Variants in MTHFD1L observed in about 807,000 individuals in gnomAD.
The protein encoded by MTHFD1L is methylenetetrahydrofolate dehydrogenase (NADP+ dependent) 1 like, also known as monofunctional C1-tetrahydrofolate synthase, mitochondrial.
Under a neutral mutation model 119.5 loss-of-function variants are expected in MTHFD1L, and 81 were observed. The observed-to-expected ratio is 0.68, with a 90% CI of 0.57 to 0.82. The LOEUF (loss-of-function observed/expected upper bound fraction) is 0.82. Ranked by LOEUF, MTHFD1L falls within the 40% of genes least tolerant of loss-of-function variation. MTHFD1L has a pLI of 0.00. For synonymous variants in MTHFD1L, 430 were observed against 475.2 expected (o/e 0.90, Z 1.24); for missense variants, 1,125 against 1,253.4 (o/e 0.90, Z 1.55).
intron 26 of MTHFD1L, among the ~76,000 whole-genome samples, chr6:151,067,101 C>A (rs1323577675): frequency 6.7e-6 from 1 of 149,500 alleles, no homozygotes; most frequent in Non-Finnish European, 1.5e-5. Flanking sequence ...TTAAGGGATT[C>A]TCCTGCCTCA....
intron 20 of MTHFD1L, among the ~76,000 whole-genome samples, chr6:151,002,008 G>A (rs1168493436): frequency 2.0e-5 from 3 of 152,304 alleles, no homozygotes; most frequent in East Asian, 3.9e-4. Context: ...TCACAGCAGG[G>A]CCTTATTGCA....
At chr6:150,873,450 G>A (rs1476327762) in intron 1 of MTHFD1L, among the ~76,000 whole-genome samples, 5 of 151,826 alleles carry the variant, frequency 3.3e-5, no homozygotes, top group African/African-American at 7.2e-5. Context: ...AAAAACAAAC[G>A]TACATTTATA....
intron 24 of MTHFD1L, among the ~76,000 whole-genome samples, chr6:151,018,952 G>T (rs1299780439): frequency 6.6e-6 from 1 of 152,224 alleles, no homozygotes; most frequent in Non-Finnish European, 1.5e-5. Context: ...GATTTTGGAT[G>T]AGTGAAAAGA....
intron 20 of MTHFD1L, among the ~76,000 whole-genome samples, chr6:150,990,783 G>A (rs1753585201): frequency 6.6e-6 from 1 of 151,842 alleles, no homozygotes; most frequent in African/African-American, 2.4e-5. Context: ...TAAATTAGTG[G>A]TGAATGGATG....
At position 150,926,020 on chromosome 6, in the gene MTHFD1L, C is replaced by A. The variant is rs373284124; in HGVS notation, c.1083-102C>A. 2 of 964,418 alleles carry A rather than the reference C, an allele frequency of 2.1e-6. No individual in the cohort carries two copies. The highest frequency in any genetic ancestry group is 3.1e-6 in the Non-Finnish European group (2 of 653,778). The allele number at this position is 964,418 out of a possible 1,614,324, so 59.7% of individuals were successfully genotyped here. On this transcript the variant is annotated intron_variant, in intron 10 of 27. Coordinates refer to ENST00000367321, the MANE Select transcript of MTHFD1L (RefSeq NM_015440.5). The surrounding 1 kb of genome is among the most constrained non-coding windows in gnomAD (Gnocchi z 4.3). ...GGGAGAAAGGACCCCAAAGTAATTGCATTGATTTCATCGTTGGCGTGATGT... is the reference window on the plus strand; with the variant it reads ...GGGAGAAAGGACCCCAAAGTAATTGAATTGATTTCATCGTTGGCGTGATGT...
At chr6:150,949,511 T>A (rs887100187) in intron 16 of MTHFD1L, among the ~76,000 whole-genome samples, 24 of 152,048 alleles carry the variant, frequency 1.6e-4, no homozygotes, top group Non-Finnish European at 2.9e-4. Flanking sequence ...CCACCCACCA[T>A]CCCACCTTCT....
intron 11 of MTHFD1L, 48 bp from the exon 12 acceptor site, chr6:150,936,756 G>A: frequency 6.3e-7 from 1 of 1,593,748 alleles, no homozygotes; most frequent in South Asian, 1.1e-5. Flanking sequence ...GTTTTGCATA[G>A]GTTGTCTGGG....
intron 8 of MTHFD1L, among the ~76,000 whole-genome samples, chr6:150,909,536 G>A (rs1786510876): frequency 6.6e-6 from 1 of 152,164 alleles, no homozygotes; most frequent in African/African-American, 2.4e-5. Context: ...AAACCACCAT[G>A]TCTGGCCTAA....
chr6:151,004,838 C>G (rs919218979), intron 20 of MTHFD1L, among the ~76,000 whole-genome samples: 1 of 152,190 alleles, frequency 6.6e-6, no homozygotes, highest in African/African-American at 2.4e-5. Flanking sequence ...ATAGCTGTAA[C>G]AAAAGGGAAA....
intron 11 of MTHFD1L, among the ~76,000 whole-genome samples, chr6:150,932,161 C>CAAA (rs5880902): frequency 0.016 from 610 of 39,204 alleles, 97 homozygotes; most frequent in East Asian, 0.081. Flanking sequence ...GACTCCATCT[C>CAAA]AAAAAAAAAA....
intron 21 of MTHFD1L, among the ~76,000 whole-genome samples, chr6:151,012,956 A>G (rs1255740109): frequency 1.3e-5 from 2 of 152,214 alleles, no homozygotes. Context: ...CACATTATGT[A>G]GGACAACTTG....
At chr6:151,073,539 T>C (rs1792164943) in intron 26 of MTHFD1L, among the ~76,000 whole-genome samples, 1 of 152,186 alleles carries the variant, frequency 6.6e-6, no homozygotes, top group Admixed American at 6.5e-5. Context: ...ATAGAATTCA[T>C]AGACACGGAC....
intron 10 of MTHFD1L, among the ~76,000 whole-genome samples, chr6:150,923,165 G>T (rs367967542): frequency 6.6e-6 from 1 of 152,186 alleles, no homozygotes; most frequent in African/African-American, 2.4e-5. Flanking sequence ...TCTTCAGAAC[G>T]ATCTGATAGA....
At chr6:151,078,967 T>G (rs1792848651) in intron 26 of MTHFD1L, among the ~76,000 whole-genome samples, 2 of 152,006 alleles carry the variant, frequency 1.3e-5, no homozygotes, top group South Asian at 2.1e-4. Context: ...GCCTGCAGGA[T>G]GAAGGGTGCC....
At chr6:151,041,759 CTTG>C (rs140096864) in intron 26 of MTHFD1L, 376,683 of 526,826 alleles carry the variant, frequency 0.72, 136,549 homozygotes, top group Non-Finnish European at 0.74. Flanking sequence ...GAAAGCCCCT[CTTG>C]TTGTGTCCTC....
At chr6:151,092,032 T>C (rs938185442) in intron 26 of MTHFD1L, among the ~76,000 whole-genome samples, 2 of 152,152 alleles carry the variant, frequency 1.3e-5, no homozygotes, top group African/African-American at 4.8e-5. Flanking sequence ...ACAGGAGTTT[T>C]CCAGCTGTGC....
chr6:151,081,509 A>AT (rs1793169038), intron 26 of MTHFD1L, among the ~76,000 whole-genome samples: 4 of 151,348 alleles, frequency 2.6e-5, no homozygotes, highest in African/African-American at 9.7e-5. Context: ...AAAAAAAAAA[A>AT]AAAAAAAAAA....
At chr6:151,100,174 C>T (rs886974843) in intron 27 of MTHFD1L, among the ~76,000 whole-genome samples, 1 of 151,982 alleles carries the variant, frequency 6.6e-6, no homozygotes, top group Admixed American at 6.6e-5. Flanking sequence ...GCTGGGACTA[C>T]AGGCACCTGC....
intron 20 of MTHFD1L, among the ~76,000 whole-genome samples, chr6:150,982,901 A>T (rs1777741117): frequency 6.6e-6 from 1 of 152,086 alleles, no homozygotes; most frequent in African/African-American, 2.4e-5. Flanking sequence ...GGTTTCGCCA[A>T]GTTGACCAGG....
Sources: allele counts gnomAD v4.1 joint callset (sites outside exome capture counted in the v4.1 genomes callset), GRCh38; gene constraint gnomAD v4.1.1; non-coding constraint Gnocchi (gnomAD v3.1); transcripts MANE v1.5; gene names NCBI Gene and HGNC (gene_info 2026-07-23, HGNC 2026-07-21).